The following PTPRG variants were observed in gnomAD, a reference collection of about 807,000 sequenced individuals.
The protein encoded by PTPRG is protein tyrosine phosphatase receptor type G, also known as receptor-type tyrosine-protein phosphatase gamma.
PTPRG carries 102 observed loss-of-function variants against 165.3 expected under a neutral mutation model. The observed-to-expected ratio is 0.62, with a 90% CI of 0.53 to 0.73. PTPRG has a LOEUF of 0.73. PTPRG is among the 30% of genes least tolerant of loss of function. The pLI, the probability that PTPRG is intolerant of heterozygous loss-of-function variation, is 0.00. For missense variants in PTPRG, 1,866 were observed against 1,861.4 expected (o/e 1.00, Z -0.05); for synonymous variants, 675 against 669.5 (o/e 1.01, Z -0.13).
intron 1 of PTPRG, among the ~76,000 whole-genome samples, chr3:61,571,102 C>T (rs936984889): frequency 2.0e-5 from 3 of 152,114 alleles, no homozygotes; most frequent in Non-Finnish European, 2.9e-5. Context: ...ATTATAATAG[C>T]CTACGCTTAC....
chr3:61,623,735 A>G (rs975212218), intron 1 of PTPRG, among the ~76,000 whole-genome samples: 1 of 152,212 alleles, frequency 6.6e-6, no homozygotes, highest in African/African-American at 2.4e-5. Context: ...ATTGAAAAGG[A>G]GCAATTAAAG....
intron 2 of PTPRG, among the ~76,000 whole-genome samples, chr3:61,798,390 A>G (rs73084075): frequency 0.064 from 9,668 of 152,226 alleles, 360 homozygotes; most frequent in South Asian, 0.17. Flanking sequence ...TTCTTTTGGT[A>G]GGTTAAGAAG....
chr3:62,113,365 C>A lies in PTPRG; in HGVS notation c.616-19237C>A, dbSNP rs1702738567. Among the ~76,000 whole-genome samples the A allele has an allele frequency of 2.6e-5, 4 of 152,244 alleles. 1 individual carries two copies. In the South Asian group the frequency reaches 8.3e-4, roughly 32 times the overall value. On this transcript the variant is annotated intron_variant, in intron 5 of 29. Transcript: ENST00000474889. ...CACCACTCTAGTTCCTGCCACTCAC[C>A]CTACCTAGGTTACTCTTTGCTGAAA...
chr3:61,867,639 C>G (rs1315232831), intron 2 of PTPRG, among the ~76,000 whole-genome samples: 2 of 152,046 alleles, frequency 1.3e-5, no homozygotes, highest in African/African-American at 4.8e-5. Flanking sequence ...GGCATGGTTC[C>G]TATCTCTTGA....
At chr3:62,047,972 T>C (rs945534338) in intron 4 of PTPRG, among the ~76,000 whole-genome samples, 3 of 152,208 alleles carry the variant, frequency 2.0e-5, no homozygotes, top group African/African-American at 7.2e-5. Context: ...CTCATATTTT[T>C]TTAATGTGCA....
chr3:61,747,875 C>G (rs757137062), intron 1 of PTPRG, among the ~76,000 whole-genome samples: 4 of 151,712 alleles, frequency 2.6e-5, no homozygotes, highest in Admixed American at 1.3e-4. Flanking sequence ...ATATTGTTTG[C>G]GTGTAATTCC....
chr3:61,617,262 C>T (rs1047075073), intron 1 of PTPRG, among the ~76,000 whole-genome samples: 2 of 152,156 alleles, frequency 1.3e-5, no homozygotes, highest in African/African-American at 4.8e-5. Context: ...GAGAGGTCAA[C>T]TTGTTTGCCA....
At chr3:61,753,589 T>TTTTTTA (rs1294206067) in intron 2 of PTPRG, 1 of 430,862 alleles carries the variant, frequency 2.3e-6, no homozygotes, top group Non-Finnish European at 4.6e-6. Flanking sequence ...TTGAGGGTTT[T>TTTTTTA]TTTTTTTTTT....
intron 17 of PTPRG, among the ~76,000 whole-genome samples, chr3:62,266,384 C>T (rs1701875770): frequency 6.6e-6 from 1 of 152,122 alleles, no homozygotes; most frequent in Admixed American, 6.6e-5. Context: ...ACCAAATCAC[C>T]TCCCAAATTG....
intron 2 of PTPRG, among the ~76,000 whole-genome samples, chr3:61,923,455 G>A (rs1285889661): frequency 2.0e-5 from 3 of 151,248 alleles, no homozygotes; most frequent in East Asian, 1.9e-4. Context: ...TGTGCACAAC[G>A]AGCAGGTTTG....
chr3:61,638,628 G>C (rs1029102366), intron 1 of PTPRG, among the ~76,000 whole-genome samples: 1 of 123,478 alleles, frequency 8.1e-6, no homozygotes, highest in African/African-American at 2.9e-5. Context: ...TGGGGTAGAG[G>C]GATTTCCCTA....
At chr3:62,105,573 A>G (rs1166116362) in intron 5 of PTPRG, among the ~76,000 whole-genome samples, 1 of 152,198 alleles carries the variant, frequency 6.6e-6, no homozygotes, top group Non-Finnish European at 1.5e-5. Flanking sequence ...CTAGAGAGGC[A>G]TTTAAGAATA....
chr3:62,001,851 G>C (rs989542883), intron 3 of PTPRG, among the ~76,000 whole-genome samples: 3 of 152,128 alleles, frequency 2.0e-5, no homozygotes, highest in African/African-American at 7.2e-5. Context: ...GTGCTATAAA[G>C]ACAAGATTGA....
intron 6 of PTPRG, among the ~76,000 whole-genome samples, chr3:62,143,107 C>G (rs1463862928): frequency 6.6e-6 from 1 of 152,128 alleles, no homozygotes. Context: ...CTACCTTTTT[C>G]CATCTTGATT....
intron 2 of PTPRG, among the ~76,000 whole-genome samples, chr3:61,829,194 T>C (rs2036198554): frequency 1.3e-5 from 2 of 152,368 alleles, no homozygotes; most frequent in South Asian, 4.1e-4. Flanking sequence ...GTCTCTGTGG[T>C]GTCCCACATA....
intron 2 of PTPRG, among the ~76,000 whole-genome samples, chr3:61,820,442 CT>C (rs2035916764): frequency 6.6e-6 from 1 of 152,114 alleles, no homozygotes; most frequent in Non-Finnish European, 1.5e-5. Flanking sequence ...AGGCCATCTG[CT>C]TTAAACAGTC....
At chr3:61,898,912 C>T (rs2038429809) in intron 2 of PTPRG, among the ~76,000 whole-genome samples, 1 of 152,202 alleles carries the variant, frequency 6.6e-6, no homozygotes, top group East Asian at 1.9e-4. Context: ...ATTTATTTGT[C>T]TGTCTGTCTG....
chr3:61,866,582 C>CTTTTTTTTTTTTTTTTTTTTTTTTTTT (rs532356516), intron 2 of PTPRG, among the ~76,000 whole-genome samples: 1 of 69,112 alleles, frequency 1.4e-5, no homozygotes, highest in African/African-American at 4.3e-5. Flanking sequence ...ACTGTTTGCT[C>CTTTTTTTTTTTTTTTTTTTTTTTTTTT]TTTTTTTTTT....
intron 11 of PTPRG, among the ~76,000 whole-genome samples, chr3:62,202,588 C>T (rs1279796298): frequency 1.3e-5 from 2 of 152,162 alleles, no homozygotes; most frequent in Non-Finnish European, 2.9e-5. Context: ...GAGATGTAAA[C>T]CAGTGCCCAG....
Sources: allele counts gnomAD v4.1 joint callset (sites outside exome capture counted in the v4.1 genomes callset), GRCh38; gene constraint gnomAD v4.1.1; transcripts MANE v1.5; gene names NCBI Gene and HGNC (gene_info 2026-07-23, HGNC 2026-07-21).